Variants in FAM186A observed in about 807,000 individuals in gnomAD.
FAM186A encodes protein FAM186A.
A neutral mutation model predicts 216.8 loss-of-function variants in FAM186A; 163 were observed. The observed-to-expected ratio is 0.75, with a 90% confidence interval of 0.66 to 0.86. The LOEUF is 0.86. Ranked by LOEUF, FAM186A falls within the 40% of genes least tolerant of loss-of-function variation. The pLI, the probability that FAM186A is intolerant of heterozygous loss-of-function variation, is 0.00. For missense variants in FAM186A, 2,184 were observed against 2,746.2 expected (o/e 0.80, Z 4.58); for synonymous variants, 805 against 1,025.3 (o/e 0.79, Z 4.10).
At chr12:50,377,004 C>A (rs1440721791) in intron 1 of FAM186A, among the ~76,000 whole-genome samples, 3 of 152,038 alleles carry the variant, frequency 2.0e-5, no homozygotes, top group African/African-American at 7.2e-5. Flanking sequence ...CCACCTCAGC[C>A]TCATGAGTGC....
At chr12:50,348,266 T>C (rs994886639) in intron 4 of FAM186A, among the ~76,000 whole-genome samples, 1 of 151,990 alleles carries the variant, frequency 6.6e-6, no homozygotes, top group Non-Finnish European at 1.5e-5. Context: ...CTCGAACTCC[T>C]GACCTCAGGT....
At chr12:50,363,775 A>G (rs1275498791) in intron 1 of FAM186A, among the ~76,000 whole-genome samples, 2 of 71,328 alleles carry the variant, frequency 2.8e-5, no homozygotes, top group African/African-American at 1.0e-4. Context: ...AAAAAAAAGA[A>G]AGAAAGAAAG....
At chr12:50,329,465 G>A (rs1050836267) in intron 7 of FAM186A, among the ~76,000 whole-genome samples, 3 of 151,974 alleles carry the variant, frequency 2.0e-5, no homozygotes, top group East Asian at 1.9e-4. Flanking sequence ...CCATAAACTC[G>A]TGCTCATGAT....
Position 50,350,855 on chromosome 12 carries a change from C to T in FAM186A, c.5977G>A (p.Val1993Ile). Residue 1993 changes from valine (V) to isoleucine (I), a missense_variant, in exon 4 of 8, where the codon GTC (valine) becomes ATC (isoleucine). Transcript: ENST00000327337. ...FTTKKFQMSE[V>I]SDTSEETQIL... ...TGGGTTTCTTCGGAAGTGTCAGAGA[C>T]CTCCGACATTTGGAACTTCTTAGTG... is the stretch of plus-strand genomic sequence containing the variant. The T allele has an allele frequency of 6.4e-7, 1 of 1,551,658 alleles. No individual in the cohort carries two copies. The highest frequency in any genetic ancestry group is 8.7e-7 in the Non-Finnish European group (1 of 1,146,990).
chr12:50,373,207 G>A (rs1042533977), intron 1 of FAM186A, among the ~76,000 whole-genome samples: 33 of 152,044 alleles, frequency 2.2e-4, no homozygotes, highest in African/African-American at 4.3e-4. Flanking sequence ...GACCAGCCTG[G>A]CCCACATAGT....
At chr12:50,377,872 T>C (rs1943213180) in intron 1 of FAM186A, among the ~76,000 whole-genome samples, 2 of 149,166 alleles carry the variant, frequency 1.3e-5, no homozygotes, top group Non-Finnish European at 3.0e-5. Context: ...AAGTACAACA[T>C]GATACATTAG....
chr12:50,359,075 A>G (rs1943006509), intron 3 of FAM186A, among the ~76,000 whole-genome samples: 1 of 151,966 alleles, frequency 6.6e-6, no homozygotes, highest in African/African-American at 2.4e-5. Flanking sequence ...AACCACAATG[A>G]GATACCACTT....
chr12:50,387,539 A>C (rs1407564520), intron 1 of FAM186A, among the ~76,000 whole-genome samples: 1 of 152,170 alleles, frequency 6.6e-6, no homozygotes, highest in Non-Finnish European at 1.5e-5. Context: ...CTGGTGGTGG[A>C]TGTGCTAGAT....
intron 1 of FAM186A, among the ~76,000 whole-genome samples, chr12:50,376,640 C>T (rs1331908065): frequency 6.6e-6 from 1 of 152,090 alleles, no homozygotes; most frequent in Non-Finnish European, 1.5e-5. Flanking sequence ...GTAAAAGTAC[C>T]ATCTGATCGG....
At chr12:50,339,779 C>G (rs1942744924) in intron 4 of FAM186A, among the ~76,000 whole-genome samples, 1 of 137,974 alleles carries the variant, frequency 7.2e-6, no homozygotes, top group Non-Finnish European at 1.6e-5. Context: ...CACACACACA[C>G]AGAGCTTCTT....
chr12:50,330,484 C>A (rs942482434), intron 7 of FAM186A, 89 bp downstream of exon 7: 1 of 1,329,964 alleles, frequency 7.5e-7, no homozygotes. Context: ...GTTGATGTAC[C>A]TGGTGCTACA....
At chr12:50,374,215 T>C (rs1181560506) in intron 1 of FAM186A, among the ~76,000 whole-genome samples, 1 of 151,086 alleles carries the variant, frequency 6.6e-6, no homozygotes, top group Admixed American at 6.6e-5. Flanking sequence ...GACGAGTTAG[T>C]GGGTGCAGCG....
chr12:50,339,832 G>A (rs2138763391), intron 4 of FAM186A, among the ~76,000 whole-genome samples: 1 of 150,432 alleles, frequency 6.6e-6, no homozygotes, highest in East Asian at 2.0e-4. Flanking sequence ...TGACTTCTTT[G>A]TTTTCCTGAC....
At chr12:50,373,222 C>T (rs1943166870) in intron 1 of FAM186A, among the ~76,000 whole-genome samples, 1 of 152,026 alleles carries the variant, frequency 6.6e-6, no homozygotes, top group African/African-American at 2.4e-5. Context: ...CATAGTGAAA[C>T]CCCGTCTCTA....
chr12:50,375,640 C>T (rs1262034757), intron 1 of FAM186A, among the ~76,000 whole-genome samples: 1 of 150,054 alleles, frequency 6.7e-6, no homozygotes, highest in Non-Finnish European at 1.5e-5. Flanking sequence ...TCGCCTGAAC[C>T]TGGGAGGCAG....
At chr12:50,372,780 T>C (rs1397449316) in intron 1 of FAM186A, among the ~76,000 whole-genome samples, 1 of 149,862 alleles carries the variant, frequency 6.7e-6, no homozygotes, top group Non-Finnish European at 1.5e-5. Flanking sequence ...TGGGTGACTG[T>C]AATCCCAGGT....
At chr12:50,327,587 G>A (rs1192565569) in intron 7 of FAM186A, among the ~76,000 whole-genome samples, 183 bp from the exon 8 acceptor site, 1 of 149,612 alleles carries the variant, frequency 6.7e-6, no homozygotes, top group African/African-American at 2.5e-5. Context: ...TGTCACACAG[G>A]CTGTAGTACA....
Position 50,368,472 on chromosome 12 carries a change from C to T in FAM186A, c.193-5108G>A, listed in dbSNP as rs532686236. Among the ~76,000 whole-genome samples the T allele has an allele frequency of 3.3e-5, 5 of 151,854 alleles. No homozygotes were observed. The South Asian group carries it at 1.0e-3, about 32-fold the overall frequency. The stretch of plus-strand genomic sequence containing the variant: ...TAAACTTACCCAAGGAGGTAAAAGA[C>T]TTGTTGTTTTCACTACAAAATGTTA... On this transcript the variant is annotated intron_variant, in intron 1 of 7. Coordinates refer to ENST00000327337, the MANE Select transcript of FAM186A (RefSeq NM_001145475.3).
At chr12:50,330,841 A>T in intron 6 of FAM186A, 83 bp from the exon 7 acceptor site, 1 of 1,196,638 alleles carries the variant, frequency 8.4e-7, no homozygotes, top group Non-Finnish European at 1.1e-6. Context: ...TCCCCTCTTC[A>T]CTGCCACCTT....
Sources: gnomAD v4.1 joint callset for allele counts (sites outside exome capture counted in the v4.1 genomes callset) on GRCh38, gnomAD v4.1.1 for gene constraint, MANE v1.5 for transcripts, NCBI Gene and HGNC (gene_info 2026-07-23, HGNC 2026-07-21) for gene names.